Variants in ZNF710 observed in about 807,000 individuals in gnomAD.
The protein encoded by ZNF710 is zinc finger protein 710.
A neutral mutation model predicts 50.6 loss-of-function variants in ZNF710; 13 were observed. That is an observed-to-expected ratio of 0.26 (90% CI 0.17 to 0.41). ZNF710 has a LOEUF of 0.41. Ranked by LOEUF, ZNF710 falls within the 10% of genes least tolerant of loss-of-function variation. The pLI, the probability that ZNF710 is intolerant of heterozygous loss-of-function variation, is 1.00. For missense variants in ZNF710, 721 were observed against 936.6 expected, an observed-to-expected ratio of 0.77 and a Z score of 3.01; for synonymous variants, 383 against 397.0, an observed-to-expected ratio of 0.96 and a Z score of 0.42.
At chr15:90,058,566 C>T (rs1899898961) in intron 1 of ZNF710, among the ~76,000 whole-genome samples, 1 of 152,080 alleles carries the variant, frequency 6.6e-6, no homozygotes, top group Non-Finnish European at 1.5e-5. Flanking sequence ...CACTCCCGTG[C>T]TGGGCCCCCT....
intron 4 of ZNF710, among the ~76,000 whole-genome samples, chr15:90,077,544 CCCAAGG>C (rs1458548402): frequency 6.6e-6 from 1 of 152,158 alleles, no homozygotes. Context: ...GCGCCTGGCC[CCCAAGG>C]TGCTTTATTT....
chr15:90,025,925 A>G (rs897023545), intron 1 of ZNF710: 3 of 152,226 alleles, frequency 2.0e-5, no homozygotes, highest in African/African-American at 7.2e-5. Context: ...AGAATGCCAC[A>G]TACCCAAACC....
In ZNF710 at chr15:90,067,562, C is replaced by G. The variant is rs767007760; in HGVS notation, c.425C>G (p.Ala142Gly). 6.2e-7 allele frequency: 1 copy of G among 1,610,788 alleles called. No individual in the cohort carries two copies. Among genetic ancestry groups the G allele is most frequent in the South Asian group, 1.1e-5 (1 of 90,778 alleles). Residue 142 changes from alanine (A) to glycine (G), a missense_variant, in exon 2 of 5, where the codon GCG (alanine) becomes GGG (glycine). Coordinates refer to ENST00000268154, the MANE Select transcript of ZNF710 (RefSeq NM_198526.4). This position sits in a 1 kb window ranked among gnomAD's most constrained non-coding sequence, Gnocchi z 8.1. ...GGGCCAGCAGAAGCCCCCGCCGAGG[C>G]GGCCAGTGGCGGCTGCGACGCCCTG... ...DAGPAEAPAE[A>G]ASGGCDALVQ...
At position 90,009,855 on chromosome 15, in the gene ZNF710, C is replaced by T. The variant is rs117685155; in HGVS notation, c.-29+8241C>T. ...GCCCACTCTCACTCCAGCTGGCTCT[C>T]CTAGAGGTCCCTGGCCACCTACTCA... is the stretch of plus-strand genomic sequence containing the variant. On this transcript the variant is annotated intron_variant, in intron 1 of 4. Coordinates refer to ENST00000268154, the MANE Select transcript of ZNF710 (RefSeq NM_198526.4). Among the ~76,000 whole-genome samples the T allele has an allele frequency of 1.9e-4, 29 of 152,198 alleles. No homozygotes were observed. The East Asian group carries it at 5.6e-3, about 29-fold the overall frequency.
upstream of ZNF710, among the ~76,000 whole-genome samples, chr15:90,000,740 G>T (rs1017356307): frequency 6.6e-6 from 1 of 152,198 alleles, no homozygotes; most frequent in Admixed American, 6.5e-5. Flanking sequence ...TCTGGCTGGG[G>T]AGGGGCGGGC....
chr15:90,014,082 A>T (rs1374273762), intron 1 of ZNF710, among the ~76,000 whole-genome samples: 1 of 151,470 alleles, frequency 6.6e-6, no homozygotes, highest in Non-Finnish European at 1.5e-5. Context: ...ATAGTAATAA[A>T]AAAAAAAAAA....
At chr15:90,026,386 G>T (rs1647778073) in intron 1 of ZNF710, among the ~76,000 whole-genome samples, 1 of 151,948 alleles carries the variant, frequency 6.6e-6, no homozygotes, top group Non-Finnish European at 1.5e-5. Flanking sequence ...TTAAATGCAT[G>T]CTTTTCTGAA....
At chr15:90,045,259 CA>C (rs1267298028) in intron 1 of ZNF710, 1 of 902,788 alleles carries the variant, frequency 1.1e-6, no homozygotes, top group East Asian at 1.2e-4. Flanking sequence ...AAAAGCCTTG[CA>C]AAACCTCAGT....
intron 4 of ZNF710, chr15:90,076,196 C>A (rs1303530154): frequency 6.6e-6 from 1 of 152,196 alleles, no homozygotes; most frequent in Non-Finnish European, 1.5e-5. Context: ...TGGGAGTCAC[C>A]TGAGGAATGT....
At chr15:90,001,922 G>T (rs1898022119) in intron 1 of ZNF710, among the ~76,000 whole-genome samples, 1 of 145,020 alleles carries the variant, frequency 6.9e-6, no homozygotes, top group Non-Finnish European at 1.5e-5. Context: ...AAGGGAGAGG[G>T]AGGGAGCGAG....
intron 1 of ZNF710, among the ~76,000 whole-genome samples, chr15:90,005,516 T>C (rs779038535): frequency 1.3e-5 from 2 of 152,208 alleles, no homozygotes; most frequent in Non-Finnish European, 2.9e-5. Context: ...TGGCGCGATC[T>C]CAGCTCACTG....
rs1294715360 is a variant in ZNF710, at chr15:90,043,670, G to A, written c.-28-23440G>A. Among the ~76,000 whole-genome samples, 3 of 152,306 alleles carry A rather than the reference G, an allele frequency of 2.0e-5. No homozygotes were observed. In the East Asian group the frequency reaches 5.8e-4, roughly 29 times the overall value. On this transcript the variant is annotated intron_variant, in intron 1 of 4. Coordinates refer to ENST00000268154, the MANE Select transcript of ZNF710 (RefSeq NM_198526.4). The stretch of plus-strand genomic sequence containing the variant: ...ATTGTCACCGTGATTGGCACCGCCT[G>A]TGAATGAGGGGTCACTGCTTCAGGC...
intron 1 of ZNF710, among the ~76,000 whole-genome samples, chr15:90,011,948 C>T (rs1043004217): frequency 3.3e-5 from 5 of 152,122 alleles, no homozygotes; most frequent in Non-Finnish European, 7.4e-5. Flanking sequence ...GGCTCACGCC[C>T]GTAACCCCAG....
At chr15:90,055,263 T>G (rs1899775801) in intron 1 of ZNF710, among the ~76,000 whole-genome samples, 1 of 152,152 alleles carries the variant, frequency 6.6e-6, no homozygotes, top group Non-Finnish European at 1.5e-5. Context: ...CCGGGCAAGC[T>G]TCCTGAGGAA....
rs566479266 is a variant in ZNF710 at position 90,056,239 on chromosome 15, G to A, written c.-28-10871G>A. The stretch of plus-strand genomic sequence containing the variant: ...AGCCTGACCAACATGGAGAAACCCC[G>A]TCTCTACTAAAGATACAAAAAAAAT... On this transcript the variant is annotated intron_variant, in intron 1 of 4. Transcript: ENST00000268154. Among the ~76,000 whole-genome samples the A allele has an allele frequency of 2.8e-4, 43 of 151,926 alleles. No individual in the cohort carries two copies. The East Asian group carries it at 6.2e-3, about 22-fold the overall frequency.
At chr15:90,023,192 G>C (rs1898673083) in intron 1 of ZNF710, among the ~76,000 whole-genome samples, 1 of 152,138 alleles carries the variant, frequency 6.6e-6, no homozygotes, top group South Asian at 2.1e-4. Context: ...TGAGTCCAAA[G>C]CTCACACTCC....
chr15:90,046,229 C>T (rs2151501467), intron 1 of ZNF710, among the ~76,000 whole-genome samples: 1 of 152,324 alleles, frequency 6.6e-6, no homozygotes, highest in African/African-American at 2.4e-5. Context: ...GCAGGACCCT[C>T]CCAAGGCAGA....
At chr15:90,030,530 C>T (rs970993473) in intron 1 of ZNF710, among the ~76,000 whole-genome samples, 7 of 151,840 alleles carry the variant, frequency 4.6e-5, no homozygotes, top group African/African-American at 2.4e-5. Flanking sequence ...GAGTTGAATG[C>T]TTATCATGTG....
At position 90,081,364 on chromosome 15, in the gene ZNF710, G is replaced by A. The variant is rs894629249; in HGVS notation, c.*1535G>A. The A allele has an allele frequency of 1.3e-5, 2 of 152,252 alleles. No homozygotes were observed. Among genetic ancestry groups the A allele is most frequent in the Admixed American group, 6.5e-5 (1 of 15,280 alleles). The allele number at this position is 152,252 out of a possible 1,614,324, so 9.4% of individuals were successfully genotyped here. A position where few individuals can be genotyped will look rare whatever the true frequency, so the allele number is the denominator to read the frequency against. On this transcript the variant is annotated 3_prime_UTR_variant, in exon 5 of 5. Transcript: ENST00000268154. The stretch of plus-strand genomic sequence containing the variant: ...GCCTCCTGAGGCCTCAGTGGGGAGG[G>A]GCAAGCAGGGGTCTTCCCCAAAGGC...
Sources: allele counts gnomAD v4.1 joint callset (sites outside exome capture counted in the v4.1 genomes callset), GRCh38; gene constraint gnomAD v4.1.1; non-coding constraint Gnocchi (gnomAD v3.1); transcripts MANE v1.5; gene names NCBI Gene and HGNC (gene_info 2026-07-23, HGNC 2026-07-21).